HEPH: variants seen among roughly 807,000 people sequenced by gnomAD.
HEPH encodes the protein hephaestin.
In HEPH, 69 loss-of-function variants were observed where a neutral mutation model predicts 80.8. The observed-to-expected ratio is 0.85, with a 90% CI of 0.70 to 1.04. The LOEUF (loss-of-function observed/expected upper bound fraction) is 1.04. Among genes scored for constraint, HEPH ranks in the 50% least tolerant of loss-of-function variants. The probability of loss-of-function intolerance (pLI) is 0.00; values close to 1 mark genes in which losing one functional copy is unlikely to be tolerated. For missense variants in HEPH, 1,115 were observed against 891.3 expected (o/e 1.25, Z -3.20); for synonymous variants, 431 against 322.8 (o/e 1.34, Z -3.60).
chrX:66,254,622 T>C (rs763424023), intron 15 of HEPH, among the ~76,000 whole-genome samples: 3 of 110,703 alleles, frequency 2.7e-5, no homozygotes, highest in African/African-American at 6.6e-5. Flanking sequence ...GAAAGGTGAC[T>C]AAAGGTTCCA....
At chrX:66,194,942 A>G (rs1431940589) in intron 8 of HEPH, among the ~76,000 whole-genome samples, 156 bp from the exon 9 acceptor site, 4 of 112,608 alleles carry the variant, frequency 3.6e-5, no homozygotes, top group Non-Finnish European at 7.5e-5. Context: ...AAATTGCAAT[A>G]TACTTGAAAG....
chrX:66,245,068 C>A (rs1226355668), intron 15 of HEPH, among the ~76,000 whole-genome samples: 1 of 111,326 alleles, frequency 9.0e-6, no homozygotes, highest in Non-Finnish European at 1.9e-5. Flanking sequence ...GAAACCGCAT[C>A]AACTAATGAG....
intron 15 of HEPH, among the ~76,000 whole-genome samples, chrX:66,210,628 A>T (rs1278401742): frequency 3.6e-5 from 4 of 111,764 alleles, no homozygotes; most frequent in Non-Finnish European, 7.5e-5. Context: ...GAAGGGATAC[A>T]TTGGAAGTTG....
chrX:66,166,616 G>C (rs886291277), intron 1 of HEPH, among the ~76,000 whole-genome samples: 1 of 112,220 alleles, frequency 8.9e-6, no homozygotes, highest in Non-Finnish European at 1.9e-5. Context: ...GAGGAGGATA[G>C]AAAGGATGTC....
At chrX:66,261,067 G>A (rs1367979938) in intron 19 of HEPH, among the ~76,000 whole-genome samples, 4 of 111,994 alleles carry the variant, frequency 3.6e-5, no homozygotes, top group African/African-American at 1.3e-4. Context: ...ATAAGGCACT[G>A]AACCTGGCCT....
chrX:66,260,126 G>A lies in HEPH; in HGVS notation c.3063G>A (p.Val1021=), dbSNP rs1366279225. ...YRNGENYRAD[V]VDLFPGTFEV... ...ATGGCGAGAACTACCGGGCAGATGT[G>A]GTGGATCTGTTCCCAGGGACTTTTG... The change falls in exon 19 of 21, where the codon GTG becomes GTA. Residue 1021 remains valine (V), a synonymous_variant. Coordinates refer to ENST00000343002, the MANE Select transcript of HEPH (RefSeq NM_001367233.3). 8.3e-7 allele frequency: 1 copy of A among 1,209,149 alleles called. No homozygotes were observed. The highest frequency in any genetic ancestry group is 2.2e-5 in the Admixed American group (1 of 45,907).
At chrX:66,225,460 G>A (rs778314990) in intron 15 of HEPH, among the ~76,000 whole-genome samples, 1 of 111,962 alleles carries the variant, frequency 8.9e-6, no homozygotes, top group East Asian at 2.8e-4. Flanking sequence ...AAAGTATCAA[G>A]CAATCCAAGT....
At chrX:66,244,085 T>A (rs1170507975) in intron 15 of HEPH, among the ~76,000 whole-genome samples, 1 of 111,730 alleles carries the variant, frequency 9.0e-6, no homozygotes, top group Non-Finnish European at 1.9e-5. Flanking sequence ...CCTGCCCCTT[T>A]CCTCTATCTG....
intron 20 of HEPH, among the ~76,000 whole-genome samples, chrX:66,264,986 G>T (rs1040837882): frequency 1.3e-4 from 14 of 108,729 alleles, no homozygotes; most frequent in African/African-American, 4.7e-4. Context: ...TCTACAATGG[G>T]GAAAAAAGCC....
At chrX:66,260,563 T>A (rs1167989306) in intron 19 of HEPH, among the ~76,000 whole-genome samples, 2 of 112,098 alleles carry the variant, frequency 1.8e-5, no homozygotes, top group Non-Finnish European at 3.8e-5. Context: ...TTTGGCTCTA[T>A]GCATTGAAGC....
chrX:66,190,156 A>T (rs1258227419), intron 6 of HEPH, among the ~76,000 whole-genome samples: 1 of 108,161 alleles, frequency 9.2e-6, no homozygotes, highest in Non-Finnish European at 1.9e-5. Context: ...CTCTGTGTTT[A>T]ATCTTCCCCA....
At chrX:66,259,960 T>C (rs977302734) in intron 18 of HEPH, 140 bp from the exon 19 acceptor site, 35 of 436,205 alleles carry the variant, frequency 8.0e-5, no homozygotes, top group African/African-American at 7.2e-4. Flanking sequence ...TAAAGTGGAC[T>C]TTTAAAACCA....
intron 1 of HEPH, among the ~76,000 whole-genome samples, chrX:66,165,208 C>T (rs1233295488): frequency 1.8e-5 from 2 of 111,775 alleles, no homozygotes; most frequent in African/African-American, 6.5e-5. Flanking sequence ...CAAGACAATC[C>T]TGTGAAAAAA....
chrX:66,196,339 G>A lies in HEPH; in HGVS notation c.1501+1110G>A, dbSNP rs570889364. ...GATAAATAAAGATGGCAAAATGTTA[G>A]CAATAGACTCTAGGTGATAGGTTGA... On this transcript the variant is annotated intron_variant, in intron 9 of 20. Transcript: ENST00000343002. Among the ~76,000 whole-genome samples the A allele has an allele frequency of 1.6e-4, 18 of 111,484 alleles. No individual in the cohort carries two copies. The South Asian group carries it at 6.7e-3, about 42-fold the overall frequency.
chrX:66,179,157 T>C (rs1409501148), intron 4 of HEPH, among the ~76,000 whole-genome samples: 2 of 112,375 alleles, frequency 1.8e-5, no homozygotes, highest in Non-Finnish European at 3.8e-5. Flanking sequence ...TTCAGCTTTC[T>C]ACATATGGCT....
At chrX:66,225,431 C>G (rs748433105) in intron 15 of HEPH, among the ~76,000 whole-genome samples, 2 of 111,492 alleles carry the variant, frequency 1.8e-5, no homozygotes, top group Admixed American at 1.9e-4. Context: ...GAAATCCAAG[C>G]CAGGTCAAAA....
At chrX:66,206,337 A>ATTT (rs2088771364) in intron 13 of HEPH, among the ~76,000 whole-genome samples, 6 of 22,888 alleles carry the variant, frequency 2.6e-4, no homozygotes, top group Admixed American at 5.6e-4. Flanking sequence ...GAAACCTGCC[A>ATTT]TCTTTTTTTT....
At chrX:66,251,301 C>A (rs2090998218) in intron 15 of HEPH, among the ~76,000 whole-genome samples, 1 of 112,081 alleles carries the variant, frequency 8.9e-6, no homozygotes, top group Non-Finnish European at 1.9e-5. Flanking sequence ...GTGTCTGAAC[C>A]ATTTTACATT....
chrX:66,197,628 C>T (rs1013468816), intron 9 of HEPH, 55 bp from the exon 10 acceptor site: 7 of 1,009,603 alleles, frequency 6.9e-6, no homozygotes, highest in Admixed American at 2.2e-5. Context: ...CTGTTTGGAG[C>T]TGATGATTCT....
Sources: allele counts gnomAD v4.1 joint callset (sites outside exome capture counted in the v4.1 genomes callset), GRCh38; gene constraint gnomAD v4.1.1; transcripts MANE v1.5; gene names NCBI Gene and HGNC (gene_info 2026-07-23, HGNC 2026-07-21).